Variants in PARD6G observed in about 807,000 individuals in gnomAD.
PARD6G encodes par-6 family cell polarity regulator gamma, also known as partitioning defective 6 homolog gamma.
PARD6G carries 7 observed loss-of-function variants against 10.7 expected under a neutral mutation model. The observed-to-expected ratio is 0.66, with a 90% CI of 0.37 to 1.23. The LOEUF is 1.23. Among genes scored for constraint, PARD6G ranks in the 50% most tolerant of loss-of-function variants. The pLI is 0.02. For synonymous variants in PARD6G, 287 were observed against 269.4 expected (o/e 1.07, Z -0.64); for missense variants, 548 against 571.8 (o/e 0.96, Z 0.42).
intron 1 of PARD6G, among the ~76,000 whole-genome samples, chr18:80,226,151 GTTTTTTTTTTTTTTT>G (rs10606939): frequency 2.6e-5 from 2 of 76,570 alleles, no homozygotes; most frequent in African/African-American, 5.4e-5. Context: ...AATGACTTCA[GTTTTTTTTTTTTTTT>G]TTTTTTTTTT....
At position 80,200,095 on chromosome 18, in the gene PARD6G, C is replaced by A. The variant is rs1289766996; in HGVS notation, c.295+2615G>T. Among the ~76,000 whole-genome samples, 1 of 152,084 alleles carries A rather than the reference C, an allele frequency of 6.6e-6. No individual in the cohort carries two copies. Among genetic ancestry groups the A allele is most frequent in the South Asian group, 2.1e-4 (1 of 4,828 alleles). ...GTACAGAAAGTTATTAAGTAAATGA[C>A]ACAGTGGGTACGGCTGCAGTAGAAT... On this transcript the variant is annotated intron_variant, in intron 2 of 2. Coordinates refer to ENST00000353265, the MANE Select transcript of PARD6G (RefSeq NM_032510.4). The surrounding 1 kb of genome is among the most constrained non-coding windows in gnomAD (Gnocchi z 4.4).
rs62101565 is a variant in PARD6G at position 80,161,929 on chromosome 18, G to T, written c.296-1323C>A. ...AATGCTGGTTGACAGTTCTGGAAAG[G>T]ACTCGAAGACAAATTACTTCCACCA... On this transcript the variant is annotated intron_variant, in intron 2 of 2. Transcript: ENST00000353265. This position sits in a 1 kb window ranked among gnomAD's most constrained non-coding sequence, Gnocchi z 4.6. 1,868 of 152,430 alleles carry T rather than the reference G, an allele frequency of 0.012. 18 individuals are homozygous for T. Among genetic ancestry groups the T allele is most frequent in the Non-Finnish European group, 0.018 (1,238 of 68,102 alleles). The allele number at this position is 152,430 out of a possible 1,614,324, so 9.4% of individuals were successfully genotyped here.
intron 1 of PARD6G, among the ~76,000 whole-genome samples, chr18:80,238,019 A>G (rs1967444281): frequency 6.6e-6 from 1 of 152,182 alleles, no homozygotes; most frequent in Admixed American, 6.5e-5. Context: ...AGGATTATAA[A>G]TCATGCTGCT....
At chr18:80,229,105 A>AT (rs1449584258) in intron 1 of PARD6G, among the ~76,000 whole-genome samples, 1 of 151,920 alleles carries the variant, frequency 6.6e-6, no homozygotes, top group African/African-American at 2.4e-5. Flanking sequence ...CACCCGGCTA[A>AT]TTTTTTGTAT....
chr18:80,230,831 G>A (rs1967350205), intron 1 of PARD6G, among the ~76,000 whole-genome samples: 1 of 152,162 alleles, frequency 6.6e-6, no homozygotes, highest in African/African-American at 2.4e-5. Flanking sequence ...CAGAGTCTCT[G>A]CCAAGCTTTG....
chr18:80,165,030 A>C (rs2090672), intron 2 of PARD6G, among the ~76,000 whole-genome samples: 28,958 of 152,024 alleles, frequency 0.19, 2,931 homozygotes, highest in Middle Eastern at 0.28. Flanking sequence ...TATGTTCAGC[A>C]GTGCACATAT....
rs1310795524 is a variant in PARD6G, at chr18:80,161,981, G to C, written c.296-1375C>G. ...GGAGGCAACATTCAGGCAGCTTGGA[G>C]AGGAGGCCAATGCTCAGGCATCACA... On this transcript the variant is annotated intron_variant, in intron 2 of 2. Transcript: ENST00000353265. The surrounding 1 kb of genome is among the most constrained non-coding windows in gnomAD (Gnocchi z 4.6). The C allele has an allele frequency of 1.3e-5, 2 of 152,346 alleles. No homozygotes were observed. The highest frequency in any genetic ancestry group is 4.8e-5 in the African/African-American group (2 of 41,468). 9.4% of individuals were successfully genotyped at this position (152,346 alleles called of 1,614,324 possible). A position where few individuals can be genotyped will look rare whatever the true frequency, so the allele number is the denominator to read the frequency against.
chr18:80,244,130 C>T lies in PARD6G; in HGVS notation c.72+3147G>A, dbSNP rs562518140. 7.0e-4 allele frequency among the ~76,000 whole-genome samples: 107 copies of T among 152,222 alleles called. 1 individual carries two copies. The highest frequency in any genetic ancestry group is 2.4e-3 in the African/African-American group (99 of 41,538). On this transcript the variant is annotated intron_variant, in intron 1 of 2. Transcript: ENST00000353265. ...CTTCCGATCCCAGCACTGGCTTTTC[C>T]GCTGCATTCTAAGGTGGCCAAGGAC...
At chr18:80,217,903 T>G (rs1171326367) in intron 1 of PARD6G, among the ~76,000 whole-genome samples, 1 of 152,146 alleles carries the variant, frequency 6.6e-6, no homozygotes, top group East Asian at 1.9e-4. Context: ...CTTCACATGG[T>G]GGCAGCAAGG....
intron 1 of PARD6G, among the ~76,000 whole-genome samples, chr18:80,223,728 G>A (rs2145296020): frequency 6.6e-6 from 1 of 152,360 alleles, no homozygotes; most frequent in Middle Eastern, 3.4e-3. Context: ...TCAGAAACAT[G>A]ACAACCCCGA....
chr18:80,159,696 G>T lies in PARD6G; in HGVS notation c.*75C>A. On this transcript the variant is annotated 3_prime_UTR_variant, in exon 3 of 3. Coordinates refer to ENST00000353265, the MANE Select transcript of PARD6G (RefSeq NM_032510.4). Reference sequence around the variant, plus strand: ...TGGTCACAAAAACAACAAAAAATGAGCGGATGCAGTCTGCAGGTCCTGTCC... The same window carrying T: ...TGGTCACAAAAACAACAAAAAATGATCGGATGCAGTCTGCAGGTCCTGTCC... 1 of 1,319,868 alleles carries T rather than the reference G, an allele frequency of 7.6e-7. No individual in the cohort carries two copies. The allele number at this position is 1,319,868 out of a possible 1,614,324, so 81.8% of individuals were successfully genotyped here.
intron 1 of PARD6G, among the ~76,000 whole-genome samples, chr18:80,224,255 C>T (rs1337881908): frequency 6.6e-6 from 1 of 152,168 alleles, no homozygotes; most frequent in Non-Finnish European, 1.5e-5. Context: ...AAAGATATTA[C>T]AAACATAAAA....
At chr18:80,174,815 T>G (rs1014943418) in intron 2 of PARD6G, among the ~76,000 whole-genome samples, 5 of 152,120 alleles carry the variant, frequency 3.3e-5, no homozygotes, top group South Asian at 4.2e-4. Flanking sequence ...TTAGCCGGGC[T>G]TGGTGGCGGG....
intron 1 of PARD6G, among the ~76,000 whole-genome samples, chr18:80,229,420 C>G (rs1423130701): frequency 6.6e-6 from 1 of 152,230 alleles, no homozygotes; most frequent in African/African-American, 2.4e-5. Context: ...CTGTCTGAGC[C>G]AGGAGCCCCC....
chr18:80,202,797 C>G lies in PARD6G; in HGVS notation c.208G>C (p.Asp70His). The G allele has an allele frequency of 6.2e-7, 1 of 1,614,058 alleles. No individual in the cohort carries two copies. The highest frequency in any genetic ancestry group is 8.5e-7 in the Non-Finnish European group (1 of 1,180,014). Reference sequence around the variant, plus strand: ...TCATCATTGTTGATGGGCAGCAGGTCTCCGTGCACATCTGCATAGCCAATA... The same window carrying G: ...TCATCATTGTTGATGGGCAGCAGGTGTCCGTGCACATCTGCATAGCCAATA... ...VTIGYADVHGDLLPINNDDNF... is the reference protein window; with the variant it reads ...VTIGYADVHGHLLPINNDDNF... Residue 70 changes from aspartate (D) to histidine (H), a missense_variant, in exon 2 of 3, where the codon GAC (aspartate) becomes CAC (histidine). Coordinates refer to ENST00000353265, the MANE Select transcript of PARD6G (RefSeq NM_032510.4).
intron 1 of PARD6G, among the ~76,000 whole-genome samples, chr18:80,205,496 G>T (rs374185702): frequency 2.0e-5 from 3 of 152,310 alleles, no homozygotes; most frequent in East Asian, 3.9e-4. Context: ...ACTGGATCAT[G>T]AGGGCAGAGC....
chr18:80,165,619 A>G (rs1315197456), intron 2 of PARD6G, among the ~76,000 whole-genome samples: 1 of 152,222 alleles, frequency 6.6e-6, no homozygotes, highest in Admixed American at 6.5e-5. Flanking sequence ...AATGTCCATG[A>G]AATCTTCACA....
chr18:80,181,213 G>A lies in PARD6G; in HGVS notation c.296-20607C>T, dbSNP rs2052847011. Among the ~76,000 whole-genome samples the A allele has an allele frequency of 6.6e-6, 1 of 152,158 alleles. No individual in the cohort carries two copies. Among genetic ancestry groups the A allele is most frequent in the South Asian group, 2.1e-4 (1 of 4,830 alleles). ...CTGCGTACACTGACCGTAGACTGGT[G>A]TGTGCACCAAGCATGCCAGGGACCC... On this transcript the variant is annotated intron_variant, in intron 2 of 2. Coordinates refer to ENST00000353265, the MANE Select transcript of PARD6G (RefSeq NM_032510.4). This position sits in a 1 kb window ranked among gnomAD's most constrained non-coding sequence, Gnocchi z 7.9.
intron 1 of PARD6G, among the ~76,000 whole-genome samples, chr18:80,226,864 C>G (rs779759316): frequency 6.6e-6 from 1 of 152,190 alleles, no homozygotes; most frequent in Admixed American, 6.5e-5. Flanking sequence ...TGCCATATTA[C>G]GAGTGGCAGG....
Sources: allele counts gnomAD v4.1 joint callset (sites outside exome capture counted in the v4.1 genomes callset), GRCh38; gene constraint gnomAD v4.1.1; non-coding constraint Gnocchi (gnomAD v3.1); transcripts MANE v1.5; gene names NCBI Gene and HGNC (gene_info 2026-07-23, HGNC 2026-07-21).